HACD3: variants seen among roughly 807,000 people sequenced by gnomAD.
HACD3 encodes very-long-chain (3R)-3-hydroxyacyl-CoA dehydratase 3.
A neutral mutation model predicts 55.2 loss-of-function variants in HACD3; 30 were observed. The observed-to-expected ratio is 0.54, with a 90% CI of 0.41 to 0.74. The LOEUF (loss-of-function observed/expected upper bound fraction) is 0.74, where lower values mean the gene tolerates loss of function less well. Among genes scored for constraint, HACD3 ranks in the 30% least tolerant of loss-of-function variants. The pLI is 0.00. For synonymous variants in HACD3, 141 were observed against 151.7 expected, an observed-to-expected ratio of 0.93 and a Z score of 0.52; for missense variants, 363 against 440.1, an observed-to-expected ratio of 0.82 and a Z score of 1.57.
Position 65,570,171 on chromosome 15 carries a change from G to T in HACD3, c.741G>T (p.Val247=). ...AGAACAAAGCTGTGGTTTTCTTTGT[G>T]TTTTATTTGTGGAGTGCAATTGAAA... ...EMQNKAVVFF[V]FYLWSAIEIF... The change falls in exon 8 of 11, where the codon GTG becomes GTT. Residue 247 remains valine, a synonymous_variant. Transcript: ENST00000261875. 4 of 1,612,490 alleles carry T rather than the reference G, an allele frequency of 2.5e-6. No individual in the cohort carries two copies. Among genetic ancestry groups the T allele is most frequent in the Non-Finnish European group, 3.4e-6 (4 of 1,178,862 alleles).
intron 1 of HACD3, among the ~76,000 whole-genome samples, chr15:65,544,281 A>G (rs901597936): frequency 2.0e-5 from 3 of 152,256 alleles, no homozygotes; most frequent in Admixed American, 6.5e-5. Context: ...CGAAGGCATC[A>G]TGAGGGATCT....
intron 1 of HACD3, among the ~76,000 whole-genome samples, chr15:65,544,357 A>G (rs2072052691): frequency 6.6e-6 from 1 of 152,214 alleles, no homozygotes; most frequent in African/African-American, 2.4e-5. Flanking sequence ...CAAATTGGAT[A>G]GAACTTAACA....
intron 1 of HACD3, among the ~76,000 whole-genome samples, chr15:65,531,697 CTGGGA>C (rs2071902346): frequency 6.6e-6 from 1 of 152,066 alleles, no homozygotes; most frequent in Non-Finnish European, 1.5e-5. Context: ...TCCCGAGTAG[CTGGGA>C]TTATAGACGC....
chr15:65,571,259 T>C (rs1393681850), intron 8 of HACD3, among the ~76,000 whole-genome samples: 2 of 152,164 alleles, frequency 1.3e-5, no homozygotes, highest in African/African-American at 4.8e-5. Context: ...GGAATGTATA[T>C]CAGCACTAGG....
intron 10 of HACD3, among the ~76,000 whole-genome samples, chr15:65,575,830 C>T (rs758509914): frequency 2.0e-5 from 3 of 152,176 alleles, no homozygotes; most frequent in Admixed American, 6.5e-5. Flanking sequence ...TGGTGGCTTA[C>T]GCCTGTAATC....
rs372783305 is a variant in HACD3, at chr15:65,572,268, A to G, written c.914A>G (p.Asn305Ser). The G allele has an allele frequency of 4.7e-5, 75 of 1,612,886 alleles. No individual in the cohort carries two copies. Among genetic ancestry groups the G allele is most frequent in the Admixed American group, 1.2e-4 (7 of 59,776 alleles). The change falls in exon 10 of 11, where the codon AAT becomes AGT. Residue 305 changes from asparagine to serine, a missense_variant. Physicochemically the swap from Asn to Ser is conservative, Grantham distance 46. Coordinates refer to ENST00000261875, the MANE Select transcript of HACD3 (RefSeq NM_016395.4). Reference protein sequence around the residue: ...VSVIQSIPIFNETGRFSFTLP... With the variant: ...VSVIQSIPIFSETGRFSFTLP... ...GTGATTCAGTCCATTCCAATATTCAATGAGACCGGACGATTCAGTTTCACA... is the reference window on the plus strand; with the variant it reads ...GTGATTCAGTCCATTCCAATATTCAGTGAGACCGGACGATTCAGTTTCACA...
At chr15:65,550,388 A>G (rs2072120560) in intron 1 of HACD3, among the ~76,000 whole-genome samples, 1 of 152,216 alleles carries the variant, frequency 6.6e-6, no homozygotes, top group African/African-American at 2.4e-5. Flanking sequence ...AAAAAGAAAG[A>G]AAATATTAAA....
chr15:65,530,762 TC>T, intron 1 of HACD3, 44 bp downstream of exon 1: 1 of 1,504,966 alleles, frequency 6.6e-7, no homozygotes, highest in South Asian at 1.2e-5. Context: ...GGATCGCGGC[TC>T]CGGGTACCCG....
chr15:65,577,415 C>G lies in HACD3; in HGVS notation c.*1036C>G, dbSNP rs1275266203. 1 of 152,312 alleles carries G rather than the reference C, an allele frequency of 6.6e-6. No homozygotes were observed. Among genetic ancestry groups the G allele is most frequent in the Non-Finnish European group, 1.5e-5 (1 of 68,314 alleles). 9.4% of individuals were successfully genotyped at this position (152,312 alleles called of 1,614,324 possible). On this transcript the variant is annotated 3_prime_UTR_variant, in exon 11 of 11. Coordinates refer to ENST00000261875, the MANE Select transcript of HACD3 (RefSeq NM_016395.4). ...CTGCAGCTGGGGTGACAGTGCAAGA[C>G]CCTGTCTCAAACCAAACCAAACCAC...
chr15:65,554,806 G>T, intron 2 of HACD3, 81 bp from the exon 3 acceptor site: 1 of 964,176 alleles, frequency 1.0e-6, no homozygotes, highest in Non-Finnish European at 1.6e-6. Flanking sequence ...TCGCATACTT[G>T]GGAAAGAACT....
intron 1 of HACD3, among the ~76,000 whole-genome samples, chr15:65,541,867 A>G (rs2072022279): frequency 6.6e-6 from 1 of 151,532 alleles, no homozygotes; most frequent in Middle Eastern, 3.4e-3. Context: ...TATTTAGGTG[A>G]AAAAAAAAGC....
intron 8 of HACD3, 100 bp from the exon 9 acceptor site, chr15:65,571,448 G>T: frequency 1.2e-6 from 1 of 837,480 alleles, no homozygotes; most frequent in Non-Finnish European, 1.9e-6. Context: ...AAGAAGCCAT[G>T]TGTGGCTGAG....
At chr15:65,544,847 C>A (rs530633638) in intron 1 of HACD3, among the ~76,000 whole-genome samples, 251 of 152,036 alleles carry the variant, frequency 1.7e-3, no homozygotes, top group Middle Eastern at 3.4e-3. Flanking sequence ...CATGGAGAAA[C>A]CCTGTCTCTA....
chr15:65,558,227 A>T (rs2072213079), intron 4 of HACD3, among the ~76,000 whole-genome samples: 1 of 152,202 alleles, frequency 6.6e-6, no homozygotes, highest in Non-Finnish European at 1.5e-5. Context: ...GTATGGATCC[A>T]TCTGTATCTC....
rs182126282 is a variant in HACD3 at position 65,541,177 on chromosome 15, C to T, written c.87+10459C>T. On this transcript the variant is annotated intron_variant, in intron 1 of 10. Transcript: ENST00000261875. ...AACTAGTGATATAACTATACAAATA[C>T]AGAGTTCAGGGCAGTAGTCTGGGTG... Among the ~76,000 whole-genome samples the T allele has an allele frequency of 6.1e-3, 925 of 152,196 alleles. 5 individuals carry two copies. Among genetic ancestry groups the T allele is most frequent in the Non-Finnish European group, 0.01 (699 of 68,008 alleles).
chr15:65,541,506 A>G (rs1433599073), intron 1 of HACD3, among the ~76,000 whole-genome samples: 1 of 152,200 alleles, frequency 6.6e-6, no homozygotes. Flanking sequence ...AGATGGTGTT[A>G]AAAAAGACCT....
rs10645266 is a variant in HACD3 at position 65,577,458 on chromosome 15, TACACACAC to T, written c.*1088_*1095del. On this transcript the variant is annotated 3_prime_UTR_variant, in exon 11 of 11. Transcript: ENST00000261875. ...CAAACCACACACACACAAACACACA[TACACACAC>T]ACACACACGAGGTCCAAATGGTAGC... The T allele has an allele frequency of 6.7e-6, 1 of 150,330 alleles. No individual in the cohort carries two copies. Among genetic ancestry groups the T allele is most frequent in the Admixed American group, 6.7e-5 (1 of 14,976 alleles). 9.3% of individuals were successfully genotyped at this position (150,330 alleles called of 1,614,324 possible).
chr15:65,534,071 G>T (rs939315463), intron 1 of HACD3, among the ~76,000 whole-genome samples: 1 of 150,434 alleles, frequency 6.6e-6, no homozygotes, highest in Non-Finnish European at 1.5e-5. Context: ...AAAAAGAAAA[G>T]AAACCAGTGG....
At chr15:65,567,171 T>C (rs1466099491) in intron 7 of HACD3, among the ~76,000 whole-genome samples, 1 of 151,202 alleles carries the variant, frequency 6.6e-6, no homozygotes, top group Non-Finnish European at 1.5e-5. Context: ...AAAATAAAAA[T>C]TTGCCAGGCA....
Sources: allele counts gnomAD v4.1 joint callset (sites outside exome capture counted in the v4.1 genomes callset), GRCh38; gene constraint gnomAD v4.1.1; transcripts MANE v1.5; gene names NCBI Gene and HGNC (gene_info 2026-07-23, HGNC 2026-07-21).